Variants in BCKDHB observed in about 807,000 individuals in gnomAD.
BCKDHB encodes branched chain keto acid dehydrogenase E1 subunit beta.
Under a neutral mutation model 48.5 loss-of-function variants are expected in BCKDHB, and 41 were observed. That is an observed-to-expected ratio of 0.85 (90% CI 0.66 to 1.10). The LOEUF (loss-of-function observed/expected upper bound fraction) is 1.10, where lower values mean the gene tolerates loss of function less well. Among genes scored for constraint, BCKDHB ranks in the 50% least tolerant of loss-of-function variants. BCKDHB has a pLI of 0.00. For synonymous variants in BCKDHB, 201 were observed against 174.8 expected (o/e 1.15, Z -1.18); for missense variants, 496 against 494.2 (o/e 1.00, Z -0.03).
intron 8 of BCKDHB, among the ~76,000 whole-genome samples, chr6:80,229,223 AT>A (rs1775807162): frequency 6.6e-6 from 1 of 152,204 alleles, no homozygotes; most frequent in South Asian, 2.1e-4. Context: ...ACTAATACAT[AT>A]TTAAGTCAGA....
At chr6:80,154,709 T>G (rs1771955349) in intron 3 of BCKDHB, among the ~76,000 whole-genome samples, 1 of 152,160 alleles carries the variant, frequency 6.6e-6, no homozygotes, top group Non-Finnish European at 1.5e-5. Context: ...CTTTTAAAAA[T>G]TTGTGCCCAA....
intron 1 of BCKDHB, among the ~76,000 whole-genome samples, chr6:80,107,100 C>T (rs891081944): frequency 6.6e-6 from 1 of 151,746 alleles, no homozygotes; most frequent in Non-Finnish European, 1.5e-5. Context: ...CGCAGTCCCC[C>T]CTCCCCCGCA....
intron 4 of BCKDHB, 22 bp from the exon 5 acceptor site, chr6:80,168,853 C>G (rs375099386): frequency 1.2e-6 from 2 of 1,612,736 alleles, no homozygotes; most frequent in Admixed American, 1.7e-5. Flanking sequence ...TGCCATGCCC[C>G]GTCTTTCTTT....
chr6:80,367,629 T>G, the BCKDHB span, among the ~76,000 whole-genome samples: 1 of 152,248 alleles, frequency 6.6e-6, no homozygotes, highest in Non-Finnish European at 1.5e-5. Flanking sequence ...TGAACATCAT[T>G]GATTTCTTTC....
intron 9 of BCKDHB, among the ~76,000 whole-genome samples, chr6:80,311,026 G>A (rs1768127105): frequency 6.6e-6 from 1 of 152,090 alleles, no homozygotes; most frequent in Non-Finnish European, 1.5e-5. Flanking sequence ...ATATGGTTTG[G>A]CTGTGACCCC....
chr6:80,440,132 C>A, the BCKDHB span, among the ~76,000 whole-genome samples: 6 of 152,140 alleles, frequency 3.9e-5, no homozygotes, highest in African/African-American at 7.2e-5. Flanking sequence ...CCACACCTGG[C>A]AGCAGGATGT....
intron 9 of BCKDHB, chr6:80,307,859 T>C (rs1305049617): frequency 1.0e-6 from 1 of 979,070 alleles, no homozygotes; most frequent in Non-Finnish European, 1.2e-6. Flanking sequence ...TACTTAACAC[T>C]GCAAATGCAA....
At chr6:80,397,165 T>C in the BCKDHB span, among the ~76,000 whole-genome samples, 2 of 152,194 alleles carry the variant, frequency 1.3e-5, no homozygotes, top group South Asian at 2.1e-4. Flanking sequence ...CCTTCAGAAT[T>C]CAGTGGGAAA....
the BCKDHB span, among the ~76,000 whole-genome samples, chr6:80,360,394 C>G: frequency 6.6e-6 from 1 of 152,180 alleles, no homozygotes; most frequent in Admixed American, 6.5e-5. Flanking sequence ...GGAATCCTGA[C>G]TTATTCATCA....
At chr6:80,362,112 G>T in the BCKDHB span, among the ~76,000 whole-genome samples, 3 of 152,148 alleles carry the variant, frequency 2.0e-5, no homozygotes, top group African/African-American at 4.8e-5. Flanking sequence ...ATGATTACTT[G>T]TAAGGACAAA....
At chr6:80,236,638 T>A (rs1327672097) in intron 8 of BCKDHB, among the ~76,000 whole-genome samples, 1 of 152,150 alleles carries the variant, frequency 6.6e-6, no homozygotes, top group Non-Finnish European at 1.5e-5. Flanking sequence ...ACTGAGTCAT[T>A]GAGAGGTTGA....
At chr6:80,418,149 G>A in the BCKDHB span, among the ~76,000 whole-genome samples, 2 of 152,222 alleles carry the variant, frequency 1.3e-5, no homozygotes, top group Admixed American at 1.3e-4. Flanking sequence ...ATTGCATTAT[G>A]AAATTCTTGT....
At chr6:80,199,771 C>T (rs370685899) in intron 6 of BCKDHB, among the ~76,000 whole-genome samples, 1,361 of 35,776 alleles carry the variant, frequency 0.038, 49 homozygotes, top group African/African-American at 0.15. Context: ...GACTCTGTCT[C>T]AAAAAAAAAA....
chr6:80,434,344 A>T, the BCKDHB span, among the ~76,000 whole-genome samples: 5 of 151,488 alleles, frequency 3.3e-5, no homozygotes, highest in Non-Finnish European at 7.4e-5. Context: ...CAGTCTACAA[A>T]GTAGACTGAA....
intron 3 of BCKDHB, among the ~76,000 whole-genome samples, chr6:80,143,841 G>A (rs1251997635): frequency 6.6e-6 from 1 of 152,082 alleles, no homozygotes; most frequent in Non-Finnish European, 1.5e-5. Context: ...ATTAGTCAGA[G>A]GATTCTTATT....
chr6:80,127,214 T>G (rs1290371380), intron 1 of BCKDHB: 1 of 319,640 alleles, frequency 3.1e-6, no homozygotes, highest in Non-Finnish European at 6.0e-6. Context: ...TGTCTGTGCT[T>G]CTTCCCAGAC....
intron 1 of BCKDHB, among the ~76,000 whole-genome samples, chr6:80,107,748 A>G (rs1031345395): frequency 1.3e-5 from 2 of 151,788 alleles, no homozygotes; most frequent in Admixed American, 1.3e-4. Flanking sequence ...AAGGAGGTGA[A>G]GGGGATGAGA....
At chr6:80,205,831 TGTGTAG>T (rs72076639) in intron 8 of BCKDHB, among the ~76,000 whole-genome samples, 6,122 of 147,354 alleles carry the variant, frequency 0.042, 158 homozygotes, top group Non-Finnish European at 0.057. Flanking sequence ...TGTGTGTGTG[TGTGTAG>T]GTGGATTGGC....
At chr6:80,227,729 GA>G (rs1321341899) in intron 8 of BCKDHB, among the ~76,000 whole-genome samples, 1 of 152,160 alleles carries the variant, frequency 6.6e-6, no homozygotes, top group Non-Finnish European at 1.5e-5. Context: ...CTGTGTTTAT[GA>G]ATCTGAAAGT....
Sources: gnomAD v4.1 joint callset for allele counts (sites outside exome capture counted in the v4.1 genomes callset) on GRCh38, gnomAD v4.1.1 for gene constraint, MANE v1.5 for transcripts, NCBI Gene and HGNC (gene_info 2026-07-23, HGNC 2026-07-21) for gene names.